Variants in MPRIP observed in about 807,000 individuals in gnomAD.
MPRIP encodes the protein myosin phosphatase Rho-interacting protein.
Under a neutral mutation model 234.9 loss-of-function variants are expected in MPRIP, and 59 were observed. The ratio of observed to expected loss-of-function variants is 0.25; its 90% confidence interval spans 0.20 to 0.31. MPRIP has a LOEUF of 0.31. Among genes scored for constraint, MPRIP ranks in the 10% least tolerant of loss-of-function variants. The pLI is 1.00. For synonymous variants in MPRIP, 1,144 were observed against 1,263.9 expected (o/e 0.91, Z 2.01); for missense variants, 2,436 against 3,071.0 (o/e 0.79, Z 4.89).
chr17:17,076,270 A>T (rs1257020311), intron 2 of MPRIP: 1 of 152,768 alleles, frequency 6.5e-6, no homozygotes, highest in East Asian at 1.9e-4. Context: ...AGCTGGGACC[A>T]TCATTGGCCT....
At chr17:17,069,733 C>T (rs2089148760) in intron 1 of MPRIP, among the ~76,000 whole-genome samples, 3 of 152,012 alleles carry the variant, frequency 2.0e-5, no homozygotes, top group Non-Finnish European at 4.4e-5. Context: ...TAAGTGTTTA[C>T]TTCACATACG....
chr17:17,183,860 A>T (rs1265984273), intron 23 of MPRIP, among the ~76,000 whole-genome samples: 2 of 152,220 alleles, frequency 1.3e-5, no homozygotes, highest in Admixed American at 6.5e-5. Flanking sequence ...AATCAGGCAG[A>T]CCCTGAGCTA....
chr17:17,122,027 G>A (rs887649655), intron 3 of MPRIP, among the ~76,000 whole-genome samples: 2 of 152,192 alleles, frequency 1.3e-5, no homozygotes, highest in African/African-American at 2.4e-5. Context: ...ATTCCATGGT[G>A]TATATATATC....
intron 6 of MPRIP, 133 bp from the exon 7 acceptor site, chr17:17,137,783 T>G: frequency 1.6e-6 from 1 of 611,686 alleles, no homozygotes; most frequent in Non-Finnish European, 2.7e-6. Context: ...TTGAGTGGGG[T>G]GTGCTGGATG....
rs746129481 is a variant in MPRIP, at chr17:17,177,262, G to A, written c.6970G>A (p.Ala2324Thr). ...LQTALRDKKYASDKYKDIYTE... is the reference protein window; with the variant it reads ...LQTALRDKKYTSDKYKDIYTE... ...TTTCACTCCCAAGGACAAGAAGTAC[G>A]CAAGTGACAAGTACAAAGACATCTA... is the stretch of plus-strand genomic sequence containing the variant. Residue 2324 changes from alanine (A) to threonine (T), a missense_variant, in exon 22 of 24, where the codon GCA becomes ACA. This residue lies in a region of MPRIP where 1,998 missense variants were observed against 2,520.3 expected (regional missense o/e 0.79). Coordinates refer to ENST00000651222, the MANE Select transcript of MPRIP (RefSeq NM_001364716.4). 10 of 1,611,986 alleles carry A rather than the reference G, an allele frequency of 6.2e-6. No individual in the cohort carries two copies. The highest frequency in any genetic ancestry group is 2.7e-5 in the African/African-American group (2 of 74,676).
At position 17,043,080 on chromosome 17, in the gene MPRIP, C is replaced by G. The variant is rs558656157; in HGVS notation, c.123+109C>G. The G allele has an allele frequency of 6.3e-6, 7 of 1,102,570 alleles. No individual in the cohort carries two copies. In the East Asian group the frequency reaches 2.0e-4, roughly 32 times the overall value. The allele number at this position is 1,102,570 out of a possible 1,614,324, so 68.3% of individuals were successfully genotyped here. On this transcript the variant is annotated intron_variant, in intron 1 of 23. Coordinates refer to ENST00000651222, the MANE Select transcript of MPRIP (RefSeq NM_001364716.4). ...AATAAAAATGGAGCAGGGAAATGCGCGAGTCCTGGGGCATGGGGACGGGGA... is the reference window on the plus strand; with the variant it reads ...AATAAAAATGGAGCAGGGAAATGCGGGAGTCCTGGGGCATGGGGACGGGGA...
intron 3 of MPRIP, among the ~76,000 whole-genome samples, chr17:17,115,684 C>A (rs1348156881): frequency 6.6e-6 from 1 of 152,196 alleles, no homozygotes; most frequent in Non-Finnish European, 1.5e-5. Context: ...CACCGCCACT[C>A]CTCCCCTCCT....
intron 4 of MPRIP, among the ~76,000 whole-genome samples, chr17:17,129,382 C>A (rs554633605): frequency 5.9e-5 from 9 of 152,328 alleles, no homozygotes; most frequent in African/African-American, 1.9e-4. Context: ...CTCCTCTCTT[C>A]TTGGGGTTTG....
intron 3 of MPRIP, among the ~76,000 whole-genome samples, chr17:17,108,900 C>A (rs1311870629): frequency 6.6e-6 from 1 of 152,204 alleles, no homozygotes; most frequent in Non-Finnish European, 1.5e-5. Flanking sequence ...CAAGCTGGGA[C>A]ACAGGAAGCT....
At chr17:17,158,357 G>A in intron 13 of MPRIP, 75 bp from the exon 14 acceptor site, 3 of 1,313,738 alleles carry the variant, frequency 2.3e-6, no homozygotes, top group Non-Finnish European at 3.1e-6. Context: ...TTGTGGCTCA[G>A]CATTGCCAGC....
At chr17:17,163,818 G>A (rs573349324) in intron 15 of MPRIP, among the ~76,000 whole-genome samples, 1 of 151,160 alleles carries the variant, frequency 6.6e-6, no homozygotes, top group Admixed American at 6.6e-5. Context: ...TTCTTAGTGT[G>A]TTCCATTATT....
chr17:17,144,962 G>C (rs1440693624), intron 9 of MPRIP, among the ~76,000 whole-genome samples: 1 of 152,366 alleles, frequency 6.6e-6, no homozygotes, highest in Non-Finnish European at 1.5e-5. Flanking sequence ...TTGCAGGAGA[G>C]GACCTCCCTA....
intron 11 of MPRIP, 24 bp from the exon 12 acceptor site, chr17:17,150,118 CAA>C (rs780358770): frequency 3.1e-6 from 5 of 1,588,858 alleles, no homozygotes; most frequent in Non-Finnish European, 4.3e-6. Flanking sequence ...CTAAAAATCT[CAA>C]GACATTCTCA....
At chr17:17,144,316 A>G (rs988816103) in intron 9 of MPRIP, among the ~76,000 whole-genome samples, 9 of 152,248 alleles carry the variant, frequency 5.9e-5, no homozygotes, top group Admixed American at 2.6e-4. Context: ...GGGGCTGCCA[A>G]CCACAGATTG....
At chr17:17,050,876 C>T (rs963889607) in intron 1 of MPRIP, among the ~76,000 whole-genome samples, 2 of 152,182 alleles carry the variant, frequency 1.3e-5, no homozygotes, top group African/African-American at 4.8e-5. Flanking sequence ...CTAAACTGGA[C>T]GTGCAATGTT....
rs796174648 is a variant in MPRIP, at chr17:17,078,944, A to G, written c.267+868A>G. On this transcript the variant is annotated intron_variant, in intron 3 of 23. Coordinates refer to ENST00000651222, the MANE Select transcript of MPRIP (RefSeq NM_001364716.4). This position sits in a 1 kb window ranked among gnomAD's most constrained non-coding sequence, Gnocchi z 4.3. ...CTGTCCTGGAAAGCCTAGTCTCACT[A>G]TGTAAAATAGGCAGCCCCTGCCTAT... Among the ~76,000 whole-genome samples the G allele has an allele frequency of 2.6e-5, 4 of 152,302 alleles. No homozygotes were observed. The highest frequency in any genetic ancestry group is 7.2e-5 in the African/African-American group (3 of 41,562).
At chr17:17,096,288 GGTGTGTGTGTGTGTGTGTGTGTGT>G (rs59748753) in intron 3 of MPRIP, among the ~76,000 whole-genome samples, 96 of 136,586 alleles carry the variant, frequency 7.0e-4, no homozygotes, top group East Asian at 1.5e-3. Context: ...GTGTGTGCAG[GGTGTGTGTGTGTGTGTGTGTGTGT>G]GTGTGTGTGT....
intron 20 of MPRIP, 43 bp downstream of exon 20, chr17:17,175,455 C>T: frequency 6.5e-7 from 1 of 1,540,764 alleles, no homozygotes; most frequent in Non-Finnish European, 8.7e-7. Flanking sequence ...GCTCTGCACC[C>T]AGGAACCCCA....
At chr17:17,102,910 G>C (rs528561186) in intron 3 of MPRIP, among the ~76,000 whole-genome samples, 1 of 152,248 alleles carries the variant, frequency 6.6e-6, no homozygotes, top group Non-Finnish European at 1.5e-5. Flanking sequence ...GCACCCTTCT[G>C]GGGGTGGACC....
Sources: gnomAD v4.1 joint callset for allele counts (sites outside exome capture counted in the v4.1 genomes callset) on GRCh38, gnomAD v4.1.1 for gene constraint, gnomAD v4.1.1 regional missense constraint, Gnocchi (gnomAD v3.1) non-coding constraint, MANE v1.5 for transcripts, NCBI Gene and HGNC (gene_info 2026-07-23, HGNC 2026-07-21) for gene names.